The following NPHP1 variants were observed in gnomAD, a reference collection of about 807,000 sequenced individuals.
NPHP1 encodes the protein nephrocystin 1, also known as nephrocystin-1.
In NPHP1, 70 loss-of-function variants were observed where a neutral mutation model predicts 90.4. The observed-to-expected ratio is 0.77, with a 90% CI of 0.64 to 0.95. NPHP1 has a LOEUF of 0.95. Among genes scored for constraint, NPHP1 ranks in the 40% least tolerant of loss-of-function variants. The pLI, the probability that NPHP1 is intolerant of heterozygous loss-of-function variation, is 0.00. For synonymous variants in NPHP1, 256 were observed against 271.7 expected, an observed-to-expected ratio of 0.94 and a Z score of 0.57; for missense variants, 764 against 795.9, an observed-to-expected ratio of 0.96 and a Z score of 0.48.
intron 11 of NPHP1, among the ~76,000 whole-genome samples, chr2:110,151,893 T>C (rs1356891958): frequency 1.3e-5 from 2 of 152,184 alleles, no homozygotes; most frequent in Non-Finnish European, 2.9e-5. Context: ...CTTTTATCTT[T>C]TCAATTTGGA....
intron 2 of NPHP1, chr2:110,184,188 A>G: frequency 3.5e-6 from 2 of 563,902 alleles, no homozygotes; most frequent in East Asian, 9.4e-5. Context: ...ACCCATGCAT[A>G]TTCGTATCAT....
chr2:110,144,159 A>G, intron 15 of NPHP1: 1 of 351,800 alleles, frequency 2.8e-6, no homozygotes, highest in Non-Finnish European at 5.3e-6. Context: ...GCAATTTGGC[A>G]TGCATATTAC....
chr2:110,161,738 A>G, intron 9 of NPHP1, 41 bp from the exon 10 acceptor site: 1 of 1,449,612 alleles, frequency 6.9e-7, no homozygotes, highest in Non-Finnish European at 9.7e-7. Flanking sequence ...ACAAAGAAAG[A>G]AACTCCAAAT....
Position 110,181,034 on chromosome 2 carries a change from G to A in NPHP1, c.144-1350C>T, listed in dbSNP as rs564487213. 3.9e-3 allele frequency among the ~76,000 whole-genome samples: 586 copies of A among 152,206 alleles called. 3 individuals are homozygous for A. The highest frequency in any genetic ancestry group is 5.9e-3 in the Non-Finnish European group (400 of 67,994). ...CCAGGGAGCCAAGCAGCATTGTTCCGTGGGCCCCACTTCCATGGCCCCCAC... is the reference window on the plus strand; with the variant it reads ...CCAGGGAGCCAAGCAGCATTGTTCCATGGGCCCCACTTCCATGGCCCCCAC... On this transcript the variant is annotated intron_variant, in intron 2 of 19. Coordinates refer to ENST00000445609, the MANE Select transcript of NPHP1 (RefSeq NM_001128178.3).
At chr2:110,172,958 TTTTC>T (rs1266932936) in intron 4 of NPHP1, among the ~76,000 whole-genome samples, 2 of 142,544 alleles carry the variant, frequency 1.4e-5, no homozygotes, top group Non-Finnish European at 3.0e-5. Flanking sequence ...TTCTTTTTCT[TTTTC>T]TTTTTTTTTT....
At chr2:110,169,545 C>T (rs1682962027) in intron 5 of NPHP1, among the ~76,000 whole-genome samples, 1 of 152,022 alleles carries the variant, frequency 6.6e-6, no homozygotes, top group Non-Finnish European at 1.5e-5. Flanking sequence ...ACATGACATT[C>T]AATAACAAAT....
At chr2:110,187,227 G>A (rs1452711770) in intron 2 of NPHP1, among the ~76,000 whole-genome samples, 2 of 151,988 alleles carry the variant, frequency 1.3e-5, no homozygotes, top group East Asian at 3.9e-4. Context: ...AACAAATTCA[G>A]GAGCTGGTTT....
intron 19 of NPHP1, chr2:110,124,431 A>C: frequency 3.1e-6 from 1 of 321,354 alleles, no homozygotes; most frequent in East Asian, 6.9e-5. Flanking sequence ...AGCTGAACCT[A>C]CTTACTGACA....
At chr2:110,190,322 C>A (rs1457264008) in intron 2 of NPHP1, among the ~76,000 whole-genome samples, 1 of 152,182 alleles carries the variant, frequency 6.6e-6, no homozygotes, top group Non-Finnish European at 1.5e-5. Context: ...CACAGGAGCC[C>A]ACAGAGGGCG....
At chr2:110,199,143 A>G (rs1685386675) in intron 2 of NPHP1, among the ~76,000 whole-genome samples, 1 of 152,118 alleles carries the variant, frequency 6.6e-6, no homozygotes, top group South Asian at 2.1e-4. Context: ...AATTAACAAC[A>G]TGACTGATGA....
chr2:110,185,805 C>A (rs1278265372), intron 2 of NPHP1, among the ~76,000 whole-genome samples: 1 of 152,142 alleles, frequency 6.6e-6, no homozygotes, highest in East Asian at 1.9e-4. Context: ...GGGAACAGGA[C>A]CACACCAGCC....
intron 2 of NPHP1, among the ~76,000 whole-genome samples, chr2:110,191,335 C>T (rs1382131415): frequency 6.6e-6 from 1 of 152,202 alleles, no homozygotes; most frequent in African/African-American, 2.4e-5. Context: ...GCTTTTCCCA[C>T]AGTCTTAGCA....
chr2:110,178,065 T>C (rs956278194), intron 4 of NPHP1: 2 of 296,944 alleles, frequency 6.7e-6, no homozygotes, highest in Admixed American at 9.8e-5. Flanking sequence ...TTAAAGAATG[T>C]TTATGAAAGG....
chr2:110,199,538 C>T (rs1685420850), intron 2 of NPHP1, among the ~76,000 whole-genome samples: 1 of 151,932 alleles, frequency 6.6e-6, no homozygotes, highest in African/African-American at 2.4e-5. Flanking sequence ...GGGGGGCATC[C>T]CTTGAGCCTG....
In NPHP1 at chr2:110,163,030, C is replaced by A. The variant is rs772923185; in HGVS notation, c.859+18G>T. On this transcript the variant is annotated intron_variant, in intron 9 of 19. Coordinates refer to ENST00000445609, the MANE Select transcript of NPHP1 (RefSeq NM_001128178.3). Reference sequence around the variant, plus strand: ...CTGCTTTGCTGAAAGAGTGCAGTGGCTGATAGGCACGCATTACCTTCCTCC... The same window carrying A: ...CTGCTTTGCTGAAAGAGTGCAGTGGATGATAGGCACGCATTACCTTCCTCC... The A allele has an allele frequency of 6.3e-7, 1 of 1,579,748 alleles. No individual in the cohort carries two copies. The highest frequency in any genetic ancestry group is 1.3e-5 in the African/African-American group (1 of 74,304).
chr2:110,197,135 G>T (rs1685227484), intron 2 of NPHP1, among the ~76,000 whole-genome samples: 1 of 152,010 alleles, frequency 6.6e-6, no homozygotes, highest in African/African-American at 2.4e-5. Context: ...GTAGGAAGGA[G>T]GTATTAGAGG....
chr2:110,125,802 A>G, intron 18 of NPHP1, 121 bp from the exon 19 acceptor site: 1 of 822,092 alleles, frequency 1.2e-6, no homozygotes, highest in Non-Finnish European at 2.1e-6. Flanking sequence ...CAGATTCTAT[A>G]CAAGCAAGAA....
At chr2:110,198,168 G>C (rs1460625185) in intron 2 of NPHP1, among the ~76,000 whole-genome samples, 1 of 152,064 alleles carries the variant, frequency 6.6e-6, no homozygotes, top group Admixed American at 6.5e-5. Flanking sequence ...CTCCTATAAA[G>C]GGTGGAAGAC....
At position 110,163,127 on chromosome 2, in the gene NPHP1, G is replaced by A. The variant is rs1313086109; in HGVS notation, c.780C>T (p.Asn260=). Residue 260 remains asparagine, a synonymous_variant, in exon 9 of 20, where the codon AAC becomes AAT. Transcript: ENST00000445609. ...AVQKAISEQI[N]TVDVLTTMGA... ...CCATCGTAGTTAACACATCAACAGT[G>A]TTTATCTGCTGAAGACAGTAACATC... 2.5e-6 allele frequency: 4 copies of A among 1,608,476 alleles called. No homozygotes were observed. Among genetic ancestry groups the A allele is most frequent in the African/African-American group, 1.3e-5 (1 of 74,832 alleles).
Sources: allele counts gnomAD v4.1 joint callset (sites outside exome capture counted in the v4.1 genomes callset), GRCh38; gene constraint gnomAD v4.1.1; transcripts MANE v1.5; gene names NCBI Gene and HGNC (gene_info 2026-07-23, HGNC 2026-07-21).